Variants in PALM2AKAP2 observed in about 807,000 individuals in gnomAD.
PALM2AKAP2 encodes the protein PALM2-AKAP2 fusion protein.
A neutral mutation model predicts 71.5 loss-of-function variants in PALM2AKAP2; 37 were observed. That is an observed-to-expected ratio of 0.52 (90% CI 0.40 to 0.68). PALM2AKAP2 has a LOEUF of 0.68. Ranked by LOEUF, PALM2AKAP2 falls within the 30% of genes least tolerant of loss-of-function variation. The probability of loss-of-function intolerance (pLI) is 0.00; values close to 1 mark genes in which losing one functional copy is unlikely to be tolerated. For missense variants in PALM2AKAP2, 1,224 were observed against 1,191.8 expected (o/e 1.03, Z -0.40); for synonymous variants, 468 against 478.8 (o/e 0.98, Z 0.29).
chr9:109,689,432 T>A, intron 1 of PALM2AKAP2, among the ~76,000 whole-genome samples: 1 of 152,084 alleles, frequency 6.6e-6, no homozygotes, highest in African/African-American at 2.4e-5. Flanking sequence ...ACTCCTGACC[T>A]CAGGTGATCC....
intron 7 of PALM2AKAP2, among the ~76,000 whole-genome samples, chr9:110,036,793 C>T (rs1833418902): frequency 6.6e-6 from 1 of 152,126 alleles, no homozygotes; most frequent in African/African-American, 2.4e-5. Flanking sequence ...CTGCTCCAAA[C>T]ATGATTGCTC....
intron 3 of PALM2AKAP2, among the ~76,000 whole-genome samples, chr9:109,915,586 C>A (rs964920382): frequency 6.6e-6 from 1 of 152,148 alleles, no homozygotes; most frequent in Non-Finnish European, 1.5e-5. Flanking sequence ...TTCTGTGTAT[C>A]CATCCATCTG....
chr9:109,821,078 T>C (rs1210055450), intron 1 of PALM2AKAP2, among the ~76,000 whole-genome samples: 2 of 152,160 alleles, frequency 1.3e-5, no homozygotes, highest in Non-Finnish European at 2.9e-5. Flanking sequence ...TTGAAAGTGC[T>C]CCCCTGTCCC....
At chr9:110,075,483 G>C (rs1834300071) in intron 1 of PALM2AKAP2, among the ~76,000 whole-genome samples, 1 of 152,018 alleles carries the variant, frequency 6.6e-6, no homozygotes, top group African/African-American at 2.4e-5. Flanking sequence ...AAGAAGAAAA[G>C]AAAACTCAAT....
At chr9:109,929,193 T>TTA (rs1235430536) in intron 5 of PALM2AKAP2, among the ~76,000 whole-genome samples, 2 of 151,372 alleles carry the variant, frequency 1.3e-5, no homozygotes, top group African/African-American at 2.4e-5. Context: ...GTTTCTTTTT[T>TTA]AAACTGCTAA....
intron 1 of PALM2AKAP2, among the ~76,000 whole-genome samples, chr9:109,860,170 A>G (rs1342724982): frequency 1.3e-5 from 2 of 152,196 alleles, no homozygotes; most frequent in African/African-American, 4.8e-5. Context: ...TGGACAGGCG[A>G]TTGGACAAAG....
In PALM2AKAP2 at chr9:109,994,883, C is replaced by T. The variant is rs372524510; in HGVS notation, c.497-21071C>T. 2.5e-4 allele frequency among the ~76,000 whole-genome samples: 38 copies of T among 152,270 alleles called. No individual in the cohort carries two copies. The East Asian group carries it at 2.5e-3, about 10-fold the overall frequency. ...ACCTTTGCCCCACACCCATCAGCTG[C>T]GAGTCAGGGGCTCTCTTGTTCTATG... On this transcript the variant is annotated intron_variant, in intron 6 of 9. Coordinates refer to the PALM2AKAP2 transcript ENST00000302798.
intron 1 of PALM2AKAP2, among the ~76,000 whole-genome samples, chr9:109,748,315 A>G (rs957680335): frequency 6.6e-6 from 1 of 152,190 alleles, no homozygotes; most frequent in African/African-American, 2.4e-5. Context: ...TTGAGGGTAC[A>G]TGAACAGCCC....
intron 2 of PALM2AKAP2, among the ~76,000 whole-genome samples, chr9:109,876,062 G>A (rs1283566624): frequency 1.3e-5 from 2 of 152,134 alleles, no homozygotes; most frequent in Non-Finnish European, 2.9e-5. Context: ...CTCTACTAAA[G>A]CTATGATACT....
chr9:110,047,034 G>A (rs1350554289), upstream of PALM2AKAP2, among the ~76,000 whole-genome samples: 2 of 151,968 alleles, frequency 1.3e-5, no homozygotes, highest in Non-Finnish European at 2.9e-5. Context: ...GGGCATCCAA[G>A]CATTTAATTC....
At chr9:110,121,040 C>T (rs777294724) in intron 1 of PALM2AKAP2, among the ~76,000 whole-genome samples, 2 of 152,146 alleles carry the variant, frequency 1.3e-5, no homozygotes, top group Non-Finnish European at 2.9e-5. Context: ...TGCTCTGTAG[C>T]TTTCTATGCC....
At chr9:109,923,821 C>A in exon 4 of PALM2AKAP2, 1 of 1,596,024 alleles carries the variant, frequency 6.3e-7, no homozygotes, top group South Asian at 1.1e-5. Context: ...CTGAAGGAAA[C>A]AGAAAAATCC....
At chr9:110,090,224 G>A in intron 1 of PALM2AKAP2, 2 of 393,474 alleles carry the variant, frequency 5.1e-6, no homozygotes, top group South Asian at 3.7e-5. Context: ...TACAGGATGC[G>A]AGCTCAGTCC....
chr9:110,033,752 A>G (rs1833328976), intron 7 of PALM2AKAP2, among the ~76,000 whole-genome samples: 1 of 152,202 alleles, frequency 6.6e-6, no homozygotes, highest in South Asian at 2.1e-4. Context: ...TCCTGGGAGC[A>G]AGAATTAGTC....
chr9:109,857,925 G>A (rs933950179), intron 1 of PALM2AKAP2, among the ~76,000 whole-genome samples: 2 of 152,124 alleles, frequency 1.3e-5, no homozygotes, highest in African/African-American at 4.8e-5. Context: ...ACCATCATTG[G>A]GATTATTAGG....
At chr9:109,903,447 T>C (rs182968240) in intron 3 of PALM2AKAP2, among the ~76,000 whole-genome samples, 1 of 152,300 alleles carries the variant, frequency 6.6e-6, no homozygotes, top group Admixed American at 6.5e-5. Flanking sequence ...GGCCCACTAC[T>C]TCTAGAAGGC....
At chr9:109,857,814 G>A (rs1829208017) in intron 1 of PALM2AKAP2, among the ~76,000 whole-genome samples, 1 of 152,224 alleles carries the variant, frequency 6.6e-6, no homozygotes, top group South Asian at 2.1e-4. Context: ...TGAGGATTAA[G>A]TGAAAAACTG....
chr9:110,136,086 T>A lies in PALM2AKAP2; in HGVS notation c.157-41T>A, dbSNP rs1017557117. ...TGTCAGCATTCACATCCATAAGAGATGCAGTATTTAACCCTGACTTTTGTT... is the reference window on the plus strand; with the variant it reads ...TGTCAGCATTCACATCCATAAGAGAAGCAGTATTTAACCCTGACTTTTGTT... On this transcript the variant is annotated intron_variant, in intron 1 of 3. Coordinates refer to ENST00000374525, the Ensembl canonical transcript of PALM2AKAP2. 5 of 1,520,478 alleles carry A rather than the reference T, an allele frequency of 3.3e-6. No individual in the cohort carries two copies. In the East Asian group the frequency reaches 9.1e-5, roughly 28 times the overall value. The allele number at this position is 1,520,478 out of a possible 1,614,324, so 94.2% of individuals were successfully genotyped here.
intron 1 of PALM2AKAP2, among the ~76,000 whole-genome samples, chr9:109,826,214 TG>T (rs1318021778): frequency 2.0e-5 from 1 of 50,554 alleles, no homozygotes; most frequent in Non-Finnish European, 3.8e-5. Context: ...GGGCCTGTTG[TG>T]GGGGTGGGGG....
Sources: gnomAD v4.1 joint callset for allele counts (sites outside exome capture counted in the v4.1 genomes callset) on GRCh38, gnomAD v4.1.1 for gene constraint, MANE v1.5 for transcripts, NCBI Gene and HGNC (gene_info 2026-07-23, HGNC 2026-07-21) for gene names.